DTX1: variants seen among roughly 807,000 people sequenced by gnomAD.
DTX1 encodes the protein E3 ubiquitin-protein ligase DTX1.
Under a neutral mutation model 57.8 loss-of-function variants are expected in DTX1, and 26 were observed. That is an observed-to-expected ratio of 0.45 (90% CI 0.33 to 0.62). DTX1 has a LOEUF of 0.62. Among genes scored for constraint, DTX1 ranks in the 20% least tolerant of loss-of-function variants. The pLI is 0.02. For missense variants in DTX1, 704 were observed against 895.3 expected (o/e 0.79, Z 2.73); for synonymous variants, 398 against 394.1 (o/e 1.01, Z -0.12).
At chr12:113,067,676 T>C (rs988044380) in intron 2 of DTX1, among the ~76,000 whole-genome samples, 3 of 152,226 alleles carry the variant, frequency 2.0e-5, no homozygotes, top group Non-Finnish European at 4.4e-5. Context: ...CCAATTGTTG[T>C]GGCCCCACCC....
rs3839970 is a variant in DTX1 at position 113,089,522 on chromosome 12, C to CGCAG, written c.942-3635_942-3632dup. ...AGGCTGGCTCCCCTTCCGGGAGGCCCGCAGGCAGCGGTCGCTTGTCCAGGC... is the reference window on the plus strand; with the variant it reads ...AGGCTGGCTCCCCTTCCGGGAGGCCCGCAGGCAGGCAGCGGTCGCTTGTCCAGGC... On this transcript the variant is annotated intron_variant, in intron 3 of 9. Coordinates refer to ENST00000548759, the MANE Select transcript of DTX1 (RefSeq NM_004416.3). Among the ~76,000 whole-genome samples, 10 of 152,206 alleles carry CGCAG rather than the reference C, an allele frequency of 6.6e-5. No individual in the cohort carries two copies. The East Asian group carries it at 1.9e-3, about 29-fold the overall frequency.
At chr12:113,096,671 G>T (rs1449167505) in intron 9 of DTX1, 44 bp from the exon 10 acceptor site, 2 of 1,555,952 alleles carry the variant, frequency 1.3e-6, no homozygotes, top group Non-Finnish European at 8.7e-7. Flanking sequence ...GCTGGAAGCT[G>T]CCTGTGACCT....
At chr12:113,092,851 G>A (rs1950257993) in intron 3 of DTX1, among the ~76,000 whole-genome samples, 1 of 152,190 alleles carries the variant, frequency 6.6e-6, no homozygotes, top group Admixed American at 6.5e-5. Flanking sequence ...CAGGCACAGC[G>A]GCCAACGAAA....
Position 113,095,210 on chromosome 12 carries a change from TC to T in DTX1, c.1548+11del, listed in dbSNP as rs1738696319. ...CATCCCCACAGGCATCCAGGTGGGC[TC>T]CCCTTCCGCCTCTCTGGCCCCCAGC... On this transcript the variant is annotated splice_region_variant and intron_variant, in intron 8 of 9. Transcript: ENST00000548759. 1.2e-6 allele frequency: 2 copies of T among 1,603,786 alleles called. No homozygotes were observed. The highest frequency in any genetic ancestry group is 2.2e-5 in the South Asian group (2 of 90,552).
chr12:113,093,037 T>G lies in DTX1; in HGVS notation c.942-125T>G. 2 of 613,816 alleles carry G rather than the reference T, an allele frequency of 3.3e-6. No homozygotes were observed. The highest frequency in any genetic ancestry group is 4.9e-5 in the South Asian group (2 of 40,936). 38.0% of individuals were successfully genotyped at this position (613,816 alleles called of 1,614,324 possible). A position where few individuals can be genotyped will look rare whatever the true frequency, so the allele number is the denominator to read the frequency against. ...AGAGTTTCCTGGAGGTAACTGCAGTTGGCAGAGAGGTACAAAGAGGCCAGG... is the reference window on the plus strand; with the variant it reads ...AGAGTTTCCTGGAGGTAACTGCAGTGGGCAGAGAGGTACAAAGAGGCCAGG... On this transcript the variant is annotated intron_variant, in intron 3 of 9. Transcript: ENST00000548759. The surrounding 1 kb of genome is among the most constrained non-coding windows in gnomAD (Gnocchi z 4.2).
chr12:113,072,701 T>C (rs888196161), intron 2 of DTX1, among the ~76,000 whole-genome samples: 320 of 138,648 alleles, frequency 2.3e-3, no homozygotes, highest in African/African-American at 8.5e-3. Context: ...ATTTTCTTTT[T>C]TTTTTTTTTT....
chr12:113,065,546 C>G (rs1272309858), intron 2 of DTX1, among the ~76,000 whole-genome samples: 1 of 152,228 alleles, frequency 6.6e-6, no homozygotes, highest in East Asian at 1.9e-4. Flanking sequence ...CCTCCCTCCT[C>G]CTCTCCAGCT....
Position 113,077,106 on chromosome 12 carries a change from C to T in DTX1, c.260-318C>T, listed in dbSNP as rs564023683. Among the ~76,000 whole-genome samples the T allele has an allele frequency of 2.0e-5, 3 of 152,238 alleles. No homozygotes were observed. The highest frequency in any genetic ancestry group is 4.4e-5 in the Non-Finnish European group (3 of 68,002). ...CACCCTGTTTGGTGGCTCTCCCGCC[C>T]CTACGCCCAATCTACTGACCACGCG... On this transcript the variant is annotated intron_variant, in intron 2 of 9. Transcript: ENST00000548759. This position sits in a 1 kb window ranked among gnomAD's most constrained non-coding sequence, Gnocchi z 7.8.
intron 2 of DTX1, among the ~76,000 whole-genome samples, chr12:113,072,468 G>A (rs1321287617): frequency 6.6e-6 from 1 of 152,180 alleles, no homozygotes; most frequent in Non-Finnish European, 1.5e-5. Context: ...AACAAGGGCT[G>A]GGGGAGGATG....
At chr12:113,073,099 G>A (rs971326322) in intron 2 of DTX1, among the ~76,000 whole-genome samples, 1 of 152,132 alleles carries the variant, frequency 6.6e-6, no homozygotes, top group Admixed American at 6.5e-5. Context: ...TGGCACACAG[G>A]GGAAGTTAAA....
intron 3 of DTX1, among the ~76,000 whole-genome samples, chr12:113,091,135 C>T (rs905806539): frequency 2.0e-4 from 31 of 152,038 alleles, no homozygotes; most frequent in African/African-American, 7.0e-4. Flanking sequence ...GTAGCAGGTG[C>T]GGTACTGGTC....
chr12:113,058,244 C>G lies in DTX1; in HGVS notation c.52C>G (p.Pro18Ala), dbSNP rs763349356. 1 of 1,613,340 alleles carries G rather than the reference C, an allele frequency of 6.2e-7. No individual in the cohort carries two copies. The highest frequency in any genetic ancestry group is 1.7e-5 in the Admixed American group (1 of 59,986). ...GLMPVNGLGF[P>A]PQNVARVVVW... The stretch of plus-strand genomic sequence containing the variant: ...GATGCCTGTGAATGGTCTGGGCTTC[C>G]CACCGCAGAACGTGGCCCGGGTGGT... Residue 18 changes from proline (P) to alanine (A), a missense_variant, in exon 2 of 10, where the codon CCA (proline) becomes GCA (alanine). Physicochemically the swap from Pro to Ala is conservative, Grantham distance 27. This residue lies in a region of DTX1 where 237 missense variants were observed against 328.6 expected (regional missense o/e 0.72). Transcript: ENST00000548759.
Position 113,057,958 on chromosome 12 carries a change from G to T in DTX1, c.-235G>T, listed in dbSNP as rs968604317. 3.2e-6 allele frequency: 2 copies of T among 634,680 alleles called. No individual in the cohort carries two copies. Among genetic ancestry groups the T allele is most frequent in the African/African-American group, 1.8e-5 (1 of 54,766 alleles). 39.3% of individuals were successfully genotyped at this position (634,680 alleles called of 1,614,324 possible). ...ATAAGAGAGACACTTGCTTTCCAGGGCAGCACCCTTTATCGGAGAAGGCTC... is the reference window on the plus strand; with the variant it reads ...ATAAGAGAGACACTTGCTTTCCAGGTCAGCACCCTTTATCGGAGAAGGCTC... On this transcript the variant is annotated 5_prime_UTR_variant, in exon 2 of 10. Transcript: ENST00000548759.
Position 113,085,136 on chromosome 12 carries a change from G to A in DTX1, c.941+7031G>A, listed in dbSNP as rs148316726. Among the ~76,000 whole-genome samples the A allele has an allele frequency of 2.3e-3, 340 of 150,202 alleles. 5 individuals are homozygous for A. The highest frequency in any genetic ancestry group is 8.0e-3 in the African/African-American group (325 of 40,724). On this transcript the variant is annotated intron_variant, in intron 3 of 9. Transcript: ENST00000548759. ...GAGATCTCCACTCACTGCAACCTCC[G>A]CCTCCCAGGCTCAAGCAATACTTGT... is the stretch of plus-strand genomic sequence containing the variant.
In DTX1 at chr12:113,077,722, G is replaced by A. The variant is rs756510084; in HGVS notation, c.558G>A (p.Lys186=). 5 of 1,537,346 alleles carry A rather than the reference G, an allele frequency of 3.3e-6. No individual in the cohort carries two copies. In the South Asian group the frequency reaches 3.6e-5, roughly 11 times the overall value. The part of the protein sequence containing the change: ...AYPLTVGSIP[K]SQSWPVGASS... The stretch of plus-strand genomic sequence containing the variant: ...CGCTCACCGTGGGCTCCATCCCTAA[G>A]TCGCAGTCGTGGCCCGTGGGCGCCA... Residue 186 remains lysine (K), a synonymous_variant, in exon 3 of 10, where the codon AAG becomes AAA. Coordinates refer to ENST00000548759, the MANE Select transcript of DTX1 (RefSeq NM_004416.3). The surrounding 1 kb of genome is among the most constrained non-coding windows in gnomAD (Gnocchi z 7.8).
chr12:113,069,814 C>G (rs757105080), intron 2 of DTX1, among the ~76,000 whole-genome samples: 1 of 152,126 alleles, frequency 6.6e-6, no homozygotes. Context: ...GCTGGCACTG[C>G]GGAGCATTCG....
chr12:113,061,378 T>G (rs2044662529), intron 2 of DTX1, among the ~76,000 whole-genome samples: 1 of 152,208 alleles, frequency 6.6e-6, no homozygotes, highest in Non-Finnish European at 1.5e-5. Flanking sequence ...ACCAGATATG[T>G]GAGGGTTTTT....
chr12:113,062,580 G>C (rs1311341078), intron 2 of DTX1, among the ~76,000 whole-genome samples: 1 of 152,218 alleles, frequency 6.6e-6, no homozygotes, highest in Non-Finnish European at 1.5e-5. Flanking sequence ...CCTGAGCATG[G>C]GGTAAGACCG....
At chr12:113,058,600 T>A in intron 2 of DTX1, 149 bp downstream of exon 2, 1 of 1,368,370 alleles carries the variant, frequency 7.3e-7, no homozygotes, top group Non-Finnish European at 9.7e-7. Context: ...CAGTCTAACC[T>A]TGTCCAGTTT....
Sources: gnomAD v4.1 joint callset for allele counts (sites outside exome capture counted in the v4.1 genomes callset) on GRCh38, gnomAD v4.1.1 for gene constraint, gnomAD v4.1.1 regional missense constraint, Gnocchi (gnomAD v3.1) non-coding constraint, MANE v1.5 for transcripts, NCBI Gene and HGNC (gene_info 2026-07-23, HGNC 2026-07-21) for gene names.